The following BZW1 variants were observed in gnomAD, a reference collection of about 807,000 sequenced individuals.
BZW1 encodes eIF5-mimic protein 2.
A neutral mutation model predicts 54.1 loss-of-function variants in BZW1; 3 were observed. The ratio of observed to expected loss-of-function variants is 0.06; its 90% confidence interval spans 0.03 to 0.14. The LOEUF is 0.14. Ranked by LOEUF, BZW1 falls within the 10% of genes least tolerant of loss-of-function variation. BZW1 has a pLI of 1.00. For synonymous variants in BZW1, 152 were observed against 162.7 expected (o/e 0.93, Z 0.50); for missense variants, 206 against 491.7 (o/e 0.42, Z 5.50).
At position 200,825,819 on chromosome 2, in the gene BZW1, T is replaced by G. The variant is rs991057298; in HGVS notation, c.*3641T>G. 6.6e-6 allele frequency: 1 copy of G among 152,266 alleles called. No individual in the cohort carries two copies. The highest frequency in any genetic ancestry group is 1.5e-5 in the Non-Finnish European group (1 of 68,048). 9.4% of individuals were successfully genotyped at this position (152,266 alleles called of 1,614,324 possible). On this transcript the variant is annotated 3_prime_UTR_variant, in exon 12 of 12. Coordinates refer to ENST00000409600, the MANE Select transcript of BZW1 (RefSeq NM_001207067.2). ...TGGTTGGCTTTAAATGTAATGTAGA[T>G]GCCAAAGTTTTAGTGTACAGTGTTA...
At chr2:200,816,642 C>G (rs1257034044) in intron 5 of BZW1, among the ~76,000 whole-genome samples, 2 of 152,128 alleles carry the variant, frequency 1.3e-5, no homozygotes, top group Non-Finnish European at 2.9e-5. Flanking sequence ...CAGGCATGTG[C>G]CACCATGCCC....
In BZW1 at chr2:200,822,362, A is replaced by G; in HGVS notation, c.*184A>G. On this transcript the variant is annotated 3_prime_UTR_variant, in exon 12 of 12. Coordinates refer to ENST00000409600, the MANE Select transcript of BZW1 (RefSeq NM_001207067.2). ...AATGTTGGGTTTAGTTTCTAAAACC[A>G]TGTTTTAAGTAGCTACAGGAGCTAT... The G allele has an allele frequency of 3.8e-6, 2 of 520,282 alleles. No individual in the cohort carries two copies. Among genetic ancestry groups the G allele is most frequent in the South Asian group, 2.2e-5 (1 of 45,682 alleles). 32.2% of individuals were successfully genotyped at this position (520,282 alleles called of 1,614,324 possible).
At position 200,824,324 on chromosome 2, in the gene BZW1, A is replaced by G. The variant is rs1432148003; in HGVS notation, c.*2146A>G. On this transcript the variant is annotated 3_prime_UTR_variant, in exon 12 of 12. Transcript: ENST00000409600. The stretch of plus-strand genomic sequence containing the variant: ...CCAGTGCCAGCCTATGGCCTCAAGT[A>G]TGTAATTCTTAATATAGATGTTAAA... 5 of 152,168 alleles carry G rather than the reference A, an allele frequency of 3.3e-5. No homozygotes were observed. Among genetic ancestry groups the G allele is most frequent in the Admixed American group, 1.3e-4 (2 of 15,276 alleles). 9.4% of individuals were successfully genotyped at this position (152,168 alleles called of 1,614,324 possible). A position where few individuals can be genotyped will look rare whatever the true frequency, so the allele number is the denominator to read the frequency against.
Position 200,823,676 on chromosome 2 carries a change from G to T in BZW1, c.*1498G>T, listed in dbSNP as rs1293831954. 1 of 152,410 alleles carries T rather than the reference G, an allele frequency of 6.6e-6. No homozygotes were observed. The highest frequency in any genetic ancestry group is 2.4e-5 in the African/African-American group (1 of 41,450). The allele number at this position is 152,410 out of a possible 1,614,324, so 9.4% of individuals were successfully genotyped here. A position where few individuals can be genotyped will look rare whatever the true frequency, so the allele number is the denominator to read the frequency against. On this transcript the variant is annotated 3_prime_UTR_variant, in exon 12 of 12. Coordinates refer to ENST00000409600, the MANE Select transcript of BZW1 (RefSeq NM_001207067.2). ...AAAAAGAACATTATAACTGATTGTT[G>T]TGAATGGGGTGAATTTGTTAAAATG...
Position 200,815,704 on chromosome 2 carries a change from A to C in BZW1, c.279A>C (p.Thr93=), listed in dbSNP as rs781319463. ...GGTLADDMMR[T]DVCVFAAQED... Reference sequence around the variant, plus strand: ...CACTGGCAGATGACATGATGCGTACAGATGTCTGCGTGTTTGCAGCCCAAG... The same window carrying C: ...CACTGGCAGATGACATGATGCGTACCGATGTCTGCGTGTTTGCAGCCCAAG... Residue 93 remains threonine (T), a synonymous_variant, in exon 4 of 12, where the codon ACA becomes ACC. Transcript: ENST00000409600. 1 of 1,596,324 alleles carries C rather than the reference A, an allele frequency of 6.3e-7. No individual in the cohort carries two copies. Among genetic ancestry groups the C allele is most frequent in the Non-Finnish European group, 8.5e-7 (1 of 1,171,012 alleles).
At chr2:200,814,057 C>T (rs951662354) in intron 2 of BZW1, among the ~76,000 whole-genome samples, 1 of 152,102 alleles carries the variant, frequency 6.6e-6, no homozygotes, top group African/African-American at 2.4e-5. Context: ...TGTCTGTCCC[C>T]TTGTAGTAGT....
At chr2:200,818,732 A>C in intron 8 of BZW1, 23 bp from the exon 9 acceptor site, 1 of 1,571,490 alleles carries the variant, frequency 6.4e-7, no homozygotes. Context: ...GACTTCTGTT[A>C]CTAAATTTGG....
Position 200,826,935 on chromosome 2 carries a change from T to G in BZW1, c.*4757T>G, listed in dbSNP as rs1314143906. 2.0e-5 allele frequency: 3 copies of G among 148,950 alleles called. No homozygotes were observed. The highest frequency in any genetic ancestry group is 7.7e-5 in the African/African-American group (3 of 38,826). 9.2% of individuals were successfully genotyped at this position (148,950 alleles called of 1,614,324 possible). A position where few individuals can be genotyped will look rare whatever the true frequency, so the allele number is the denominator to read the frequency against. ...AATATTCTTAAGGACAAAAATAGTT[T>G]ACAGCTTTTTTTTTTTTAATCTGAA... On this transcript the variant is annotated 3_prime_UTR_variant, in exon 12 of 12. Transcript: ENST00000409600.
chr2:200,825,913 G>A lies in BZW1; in HGVS notation c.*3735G>A, dbSNP rs1343758264. The A allele has an allele frequency of 1.3e-5, 2 of 152,194 alleles. No homozygotes were observed. Among genetic ancestry groups the A allele is most frequent in the African/African-American group, 4.8e-5 (2 of 41,452 alleles). The allele number at this position is 152,194 out of a possible 1,614,324, so 9.4% of individuals were successfully genotyped here. ...TGTCTACAGGTGCCATATAAAATAG[G>A]TTGATAAGTATTTGCAAATTCTGGT... On this transcript the variant is annotated 3_prime_UTR_variant, in exon 12 of 12. Transcript: ENST00000409600.
In BZW1 at chr2:200,822,218, T is replaced by C. The variant is rs891515874; in HGVS notation, c.*40T>C. The C allele has an allele frequency of 4.0e-6, 6 of 1,515,496 alleles. No homozygotes were observed. In the African/African-American group the frequency reaches 5.5e-5, roughly 14 times the overall value. 93.9% of individuals were successfully genotyped at this position (1,515,496 alleles called of 1,614,324 possible). A position where few individuals can be genotyped will look rare whatever the true frequency, so the allele number is the denominator to read the frequency against. On this transcript the variant is annotated 3_prime_UTR_variant, in exon 12 of 12. Transcript: ENST00000409600. ...CCCTCAGTAAAGCAAACAGGAGTTG[T>C]AGATAAAATGTCATGTCTCATGTGT...
At position 200,818,911 on chromosome 2, in the gene BZW1, C is replaced by T; in HGVS notation, c.966+10C>T. 6.4e-7 allele frequency: 1 copy of T among 1,554,196 alleles called. No homozygotes were observed. The highest frequency in any genetic ancestry group is 8.6e-7 in the Non-Finnish European group (1 of 1,156,940). ...CATCAAGCACTTGAAGGTATTAGAA[C>T]TATGCCTTGACAAAACAAACTATTC... On this transcript the variant is annotated intron_variant, in intron 9 of 11. Coordinates refer to ENST00000409600, the MANE Select transcript of BZW1 (RefSeq NM_001207067.2).
In BZW1 at chr2:200,825,290, CCT is replaced by C. The variant is rs35496447; in HGVS notation, c.*3114_*3115del. 0.6 allele frequency: 90,561 copies of C among 151,430 alleles called. 28,463 individuals are homozygous for C. The highest frequency in any genetic ancestry group is 0.72 in the Non-Finnish European group (49,031 of 67,802). 9.4% of individuals were successfully genotyped at this position (151,430 alleles called of 1,614,324 possible). A position where few individuals can be genotyped will look rare whatever the true frequency, so the allele number is the denominator to read the frequency against. ...GATCAGGCTGGTCTCAAACTCCTGACCTCGTGGTCTGCCTGCCTTGGCCTCCC... is the reference window on the plus strand; with the variant it reads ...GATCAGGCTGGTCTCAAACTCCTGACCGTGGTCTGCCTGCCTTGGCCTCCC... On this transcript the variant is annotated 3_prime_UTR_variant, in exon 12 of 12. Transcript: ENST00000409600.
intron 10 of BZW1, among the ~76,000 whole-genome samples, chr2:200,820,798 C>G (rs1187961468): frequency 6.6e-6 from 1 of 152,218 alleles, no homozygotes; most frequent in African/African-American, 2.4e-5. Context: ...CTTACTCCCC[C>G]ACCCAGTGTT....
In BZW1 at chr2:200,823,637, G is replaced by A. The variant is rs940484589; in HGVS notation, c.*1459G>A. The A allele has an allele frequency of 1.3e-5, 2 of 152,364 alleles. No homozygotes were observed. The highest frequency in any genetic ancestry group is 2.9e-5 in the Non-Finnish European group (2 of 67,986). The allele number at this position is 152,364 out of a possible 1,614,324, so 9.4% of individuals were successfully genotyped here. A position where few individuals can be genotyped will look rare whatever the true frequency, so the allele number is the denominator to read the frequency against. On this transcript the variant is annotated 3_prime_UTR_variant, in exon 12 of 12. Coordinates refer to ENST00000409600, the MANE Select transcript of BZW1 (RefSeq NM_001207067.2). ...AACATGTAATATAATTTGAAATAAA[G>A]GTATAGTAACCTTAAAAAGAACATT... is the stretch of plus-strand genomic sequence containing the variant.
intron 1 of BZW1, chr2:200,812,940 G>T (rs1458400660): frequency 1.5e-6 from 1 of 671,992 alleles, no homozygotes; most frequent in African/African-American, 1.8e-5. Context: ...GTTTATGACG[G>T]GTGATCACTG....
At chr2:200,812,290 C>G (rs1320348683) in intron 1 of BZW1, 20 of 1,232,554 alleles carry the variant, frequency 1.6e-5, no homozygotes, top group Non-Finnish European at 2.0e-5. Flanking sequence ...ACAAAGCCGC[C>G]GCGGCCTCTG....
rs1396539460 is a variant in BZW1 at position 200,823,962 on chromosome 2, G to A, written c.*1784G>A. 1 of 151,838 alleles carries A rather than the reference G, an allele frequency of 6.6e-6. No individual in the cohort carries two copies. Among genetic ancestry groups the A allele is most frequent in the Non-Finnish European group, 1.5e-5 (1 of 67,996 alleles). The allele number at this position is 151,838 out of a possible 1,614,324, so 9.4% of individuals were successfully genotyped here. ...TAAGTAATAATTAGACTCCCAAACTGTAAACCACCTACACAGAATTCTGGT... is the reference window on the plus strand; with the variant it reads ...TAAGTAATAATTAGACTCCCAAACTATAAACCACCTACACAGAATTCTGGT... On this transcript the variant is annotated 3_prime_UTR_variant, in exon 12 of 12. Coordinates refer to ENST00000409600, the MANE Select transcript of BZW1 (RefSeq NM_001207067.2).
Position 200,815,364 on chromosome 2 carries a change from A to T in BZW1, c.88A>T (p.Thr30Ser). Residue 30 changes from threonine to serine, a missense_variant, in exon 3 of 12, where the codon ACT becomes TCT. Around this residue, in one of 5 missense-constraint regions of BZW1, gnomAD observed 26 missense variants for 26.9 expected, o/e 0.97. Transcript: ENST00000409600. ...KRDEKERFDPTQFQDCIIQGL... is the reference protein window; with the variant it reads ...KRDEKERFDPSQFQDCIIQGL... ...AGATGAAAAAGAGAGGTTTGACCCTACTCAGTTTCAAGACTGTATTATTCA... is the reference window on the plus strand; with the variant it reads ...AGATGAAAAAGAGAGGTTTGACCCTTCTCAGTTTCAAGACTGTATTATTCA... 6.2e-7 allele frequency: 1 copy of T among 1,611,874 alleles called. No homozygotes were observed. Among genetic ancestry groups the T allele is most frequent in the Non-Finnish European group, 8.5e-7 (1 of 1,178,740 alleles).
At chr2:200,817,471 T>C (rs1054209325) in intron 6 of BZW1, among the ~76,000 whole-genome samples, 1 of 152,204 alleles carries the variant, frequency 6.6e-6, no homozygotes, top group East Asian at 1.9e-4. Flanking sequence ...AATGTTGTTA[T>C]ATGTAATAAA....
Sources: allele counts gnomAD v4.1 joint callset (sites outside exome capture counted in the v4.1 genomes callset), GRCh38; gene constraint gnomAD v4.1.1; regional missense constraint gnomAD v4.1.1; transcripts MANE v1.5; gene names NCBI Gene and HGNC (gene_info 2026-07-23, HGNC 2026-07-21).